The following PTPN11 variants were observed in gnomAD, a reference collection of about 807,000 sequenced individuals.
PTPN11 encodes protein tyrosine phosphatase non-receptor type 11, also known as tyrosine-protein phosphatase non-receptor type 11.
In PTPN11, 6 loss-of-function variants were observed where a neutral mutation model predicts 78.8. The observed-to-expected ratio is 0.08, with a 90% CI of 0.04 to 0.15. PTPN11 has a LOEUF of 0.15. Among genes scored for constraint, PTPN11 ranks in the 10% least tolerant of loss-of-function variants. The pLI is 1.00. For missense variants in PTPN11, 386 were observed against 744.8 expected (o/e 0.52, Z 5.61); for synonymous variants, 221 against 263.5 (o/e 0.84, Z 1.56).
At chr12:112,463,266 A>T (rs1300168468) in intron 6 of PTPN11, among the ~76,000 whole-genome samples, 2 of 151,984 alleles carry the variant, frequency 1.3e-5, no homozygotes, top group Non-Finnish European at 2.9e-5. Flanking sequence ...AAAAAAAAAG[A>T]GACAGGGTCT....
At chr12:112,499,899 A>G (rs978237779) in intron 13 of PTPN11, among the ~76,000 whole-genome samples, 11 of 146,850 alleles carry the variant, frequency 7.5e-5, no homozygotes, top group Non-Finnish European at 1.3e-4. Flanking sequence ...CTATGATTGC[A>G]CCACTGCGCT....
intron 6 of PTPN11, among the ~76,000 whole-genome samples, chr12:112,466,307 C>T (rs762493680): frequency 6.6e-6 from 1 of 152,158 alleles, no homozygotes; most frequent in Non-Finnish European, 1.5e-5. Flanking sequence ...GTAGAGGGAA[C>T]AGCAAGTGCA....
Position 112,472,947 on chromosome 12 carries a change from C to G in PTPN11, c.760C>G (p.Leu254Val). ...KQGFWEEFETLQQQECKLLYS... is the reference protein window; with the variant it reads ...KQGFWEEFETVQQQECKLLYS... ...ATTGACTTTTCTTTCTTTCCAGACA[C>G]TACAACAACAGGAGTGCAAACTTCT... Residue 254 changes from leucine to valine, a missense_variant, in exon 7 of 16, where the codon CTA (leucine) becomes GTA (valine). Leu to Val is a conservative substitution (Grantham distance 32). Coordinates refer to ENST00000351677, the MANE Select transcript of PTPN11 (RefSeq NM_002834.5). 2 of 1,610,174 alleles carry G rather than the reference C, an allele frequency of 1.2e-6. No individual in the cohort carries two copies. Among genetic ancestry groups the G allele is most frequent in the Non-Finnish European group, 1.7e-6 (2 of 1,176,560 alleles).
At chr12:112,459,920 C>T (rs1345274587) in intron 6 of PTPN11, among the ~76,000 whole-genome samples, 1 of 151,644 alleles carries the variant, frequency 6.6e-6, no homozygotes, top group African/African-American at 2.4e-5. Context: ...CACACACACA[C>T]ACACACACAC....
intron 1 of PTPN11, among the ~76,000 whole-genome samples, chr12:112,423,579 C>T (rs2037557841): frequency 6.6e-6 from 1 of 152,092 alleles, no homozygotes; most frequent in Non-Finnish European, 1.5e-5. Flanking sequence ...AGCTACCACA[C>T]AAGCCTGAAA....
chr12:112,439,796 CA>C (rs750031189), intron 1 of PTPN11, among the ~76,000 whole-genome samples: 6,015 of 146,884 alleles, frequency 0.041, 267 homozygotes, highest in African/African-American at 0.11. Flanking sequence ...AAAAAAAAAA[CA>C]AAAACAAAAA....
At chr12:112,503,171 T>A (rs1263659393) in intron 14 of PTPN11, among the ~76,000 whole-genome samples, 1 of 152,196 alleles carries the variant, frequency 6.6e-6, no homozygotes, top group African/African-American at 2.4e-5. Flanking sequence ...AAGAATAATA[T>A]GCGACAGAGA....
chr12:112,419,533 G>T (rs2037486639), intron 1 of PTPN11, among the ~76,000 whole-genome samples: 1 of 152,202 alleles, frequency 6.6e-6, no homozygotes, highest in Non-Finnish European at 1.5e-5. Flanking sequence ...CGAGAGGGGA[G>T]TTGCGCGGGG....
At chr12:112,453,522 G>A in intron 4 of PTPN11, 135 bp downstream of exon 4, 1 of 767,074 alleles carries the variant, frequency 1.3e-6, no homozygotes, top group Non-Finnish European at 2.0e-6. Context: ...ATTTATTTGA[G>A]ACAGGGTCTT....
chr12:112,440,965 C>CTTTTTTTTTTTT (rs376303682), intron 1 of PTPN11, among the ~76,000 whole-genome samples: 1 of 131,556 alleles, frequency 7.6e-6, no homozygotes, highest in Non-Finnish European at 1.7e-5. Context: ...CTTTTCTTTT[C>CTTTTTTTTTTTT]TTTTTTTTTT....
At position 112,473,054 on chromosome 12, in the gene PTPN11, T is replaced by G; in HGVS notation, c.853+14T>G. The G allele has an allele frequency of 1.9e-6, 3 of 1,556,078 alleles. No homozygotes were observed. Among genetic ancestry groups the G allele is most frequent in the Non-Finnish European group, 2.7e-6 (3 of 1,127,602 alleles). The stretch of plus-strand genomic sequence containing the variant: ...ACATCCTGCCCTGTAAGTATCAATA[T>G]TCCGCTCAGTAATAGTCACTCTTGG... On this transcript the variant is annotated intron_variant, in intron 7 of 15. Transcript: ENST00000351677.
Position 112,509,608 on chromosome 12 carries a change from G to C in PTPN11, c.*3816G>C, listed in dbSNP as rs916627360. 3 of 152,566 alleles carry C rather than the reference G, an allele frequency of 2.0e-5. No individual in the cohort carries two copies. The highest frequency in any genetic ancestry group is 7.2e-5 in the African/African-American group (3 of 41,408). The allele number at this position is 152,566 out of a possible 1,614,324, so 9.5% of individuals were successfully genotyped here. On this transcript the variant is annotated 3_prime_UTR_variant, in exon 16 of 16. Coordinates refer to ENST00000351677, the MANE Select transcript of PTPN11 (RefSeq NM_002834.5). ...ATACGTTTTAGGATGTCATCATTTT[G>C]ATGTGAATCATGTAAATGTTGATAA...
At chr12:112,481,865 T>C (rs2038600657) in intron 9 of PTPN11, among the ~76,000 whole-genome samples, 1 of 152,182 alleles carries the variant, frequency 6.6e-6, no homozygotes, top group Non-Finnish European at 1.5e-5. Context: ...ACCAGCTGCC[T>C]TTCTCCTCCC....
chr12:112,482,298 A>G lies in PTPN11; in HGVS notation c.1224+93A>G. 1.4e-6 allele frequency: 2 copies of G among 1,406,248 alleles called. No individual in the cohort carries two copies. The highest frequency in any genetic ancestry group is 2.0e-6 in the Non-Finnish European group (2 of 996,780). 87.1% of individuals were successfully genotyped at this position (1,406,248 alleles called of 1,614,324 possible). ...CCGTTACTCATGTTTGCATACATGCATGCATTCGCTCACTCATTGATTCAG... is the reference window on the plus strand; with the variant it reads ...CCGTTACTCATGTTTGCATACATGCGTGCATTCGCTCACTCATTGATTCAG... On this transcript the variant is annotated intron_variant, in intron 10 of 15. Transcript: ENST00000351677. The surrounding 1 kb of genome is among the most constrained non-coding windows in gnomAD (Gnocchi z 4.4).
intron 11 of PTPN11, 84 bp downstream of exon 11, chr12:112,486,713 G>C: frequency 6.4e-7 from 1 of 1,567,750 alleles, no homozygotes; most frequent in Non-Finnish European, 8.7e-7. Context: ...CCCACTCCTA[G>C]CTCTTTAACT....
Position 112,424,891 on chromosome 12 carries a change from ATGTG to A in PTPN11, c.14+5791_14+5794del, listed in dbSNP as rs1223840459. Among the ~76,000 whole-genome samples, 395 of 80,032 alleles carry A rather than the reference ATGTG, an allele frequency of 4.9e-3. 2 individuals are homozygous for A. Among genetic ancestry groups the A allele is most frequent in the Middle Eastern group, 0.012 (2 of 162 alleles). The allele number at this position is 80,032 out of a possible 152,430, so 52.5% of individuals were successfully genotyped here. A position where few individuals can be genotyped will look rare whatever the true frequency, so the allele number is the denominator to read the frequency against. ...ATTGTGTGTGTGTGTGTGTGTGTGT[ATGTG>A]TGTGTGTGTGTGTGTGTGTGTGTGC... On this transcript the variant is annotated intron_variant, in intron 1 of 15. Coordinates refer to ENST00000351677, the MANE Select transcript of PTPN11 (RefSeq NM_002834.5).
intron 7 of PTPN11, among the ~76,000 whole-genome samples, 192 bp from the exon 8 acceptor site, chr12:112,477,459 T>A (rs1047667248): frequency 4.6e-4 from 70 of 152,242 alleles, no homozygotes; most frequent in African/African-American, 1.6e-3. Flanking sequence ...TAGGAAATTG[T>A]GAAGATGGCA....
chr12:112,447,968 A>G (rs1161529491), intron 2 of PTPN11, among the ~76,000 whole-genome samples: 1 of 151,206 alleles, frequency 6.6e-6, no homozygotes, highest in Non-Finnish European at 1.5e-5. Flanking sequence ...TGCCAAGTTA[A>G]TTTTTGTATT....
At chr12:112,466,054 GTCTTTA>G (rs1056004874) in intron 6 of PTPN11, among the ~76,000 whole-genome samples, 31 of 152,166 alleles carry the variant, frequency 2.0e-4, no homozygotes, top group Admixed American at 4.6e-4. Flanking sequence ...GAACAAATCA[GTCTTTA>G]TCTTTATAGA....
Sources: allele counts gnomAD v4.1 joint callset (sites outside exome capture counted in the v4.1 genomes callset), GRCh38; gene constraint gnomAD v4.1.1; non-coding constraint Gnocchi (gnomAD v3.1); transcripts MANE v1.5; gene names NCBI Gene and HGNC (gene_info 2026-07-23, HGNC 2026-07-21).